Variants in CC2D2A observed in about 807,000 individuals in gnomAD.
The protein encoded by CC2D2A is coiled-coil and C2 domain-containing protein 2A.
Under a neutral mutation model 212.9 loss-of-function variants are expected in CC2D2A, and 155 were observed. The ratio of observed to expected loss-of-function variants is 0.73; its 90% CI spans 0.64 to 0.83. CC2D2A has a LOEUF of 0.83. Among genes scored for constraint, CC2D2A ranks in the 40% least tolerant of loss-of-function variants. The probability of loss-of-function intolerance (pLI) is 0.00; values close to 1 mark genes in which losing one functional copy is unlikely to be tolerated. For missense variants in CC2D2A, 1,856 were observed against 1,956.2 expected (o/e 0.95, Z 0.97); for synonymous variants, 667 against 686.5 (o/e 0.97, Z 0.44).
chr4:15,579,381 A>T (rs1720555735), intron 29 of CC2D2A, among the ~76,000 whole-genome samples: 1 of 152,092 alleles, frequency 6.6e-6, no homozygotes, highest in African/African-American at 2.4e-5. Flanking sequence ...GAGAACCAAG[A>T]TGAGCAACCA....
At chr4:15,548,735 G>A (rs1257044527) in intron 17 of CC2D2A, among the ~76,000 whole-genome samples, 1 of 152,186 alleles carries the variant, frequency 6.6e-6, no homozygotes, top group African/African-American at 2.4e-5. Flanking sequence ...AGCTGTAGAA[G>A]ATTATAGAAT....
At chr4:15,511,170 C>G in intron 7 of CC2D2A, 77 bp from the exon 8 acceptor site, 1 of 1,444,356 alleles carries the variant, frequency 6.9e-7, no homozygotes, top group Non-Finnish European at 9.2e-7. Flanking sequence ...TAGCATTAAG[C>G]CAGCTGTCAG....
Position 15,478,781 on chromosome 4 carries a change from T to C in CC2D2A, c.98T>C (p.Val33Ala), listed in dbSNP as rs1327166509. Residue 33 changes from valine to alanine, a missense_variant, in exon 3 of 37, where the codon GTT becomes GCT. Physicochemically the swap from Val to Ala is moderately conservative, Grantham distance 64. Coordinates refer to ENST00000424120, the MANE Select transcript of CC2D2A (RefSeq NM_001378615.1). ...GGAAGACAGAATAAGAACTCAAAGG[T>C]TCGAAGACAGCCAAGAAAGAAACAG... The part of the protein sequence containing the change: ...DMGRQNKNSK[V>A]RRQPRKKQPP... 6.4e-7 allele frequency: 1 copy of C among 1,554,340 alleles called. No homozygotes were observed. The highest frequency in any genetic ancestry group is 1.4e-5 in the African/African-American group (1 of 73,086).
rs2109015357 is a variant in CC2D2A at position 15,518,173 on chromosome 4, C to A, written c.1149+1417C>A. 2.0e-5 allele frequency among the ~76,000 whole-genome samples: 3 copies of A among 152,320 alleles called. No homozygotes were observed. In the South Asian group the frequency reaches 6.2e-4, roughly 32 times the overall value. On this transcript the variant is annotated intron_variant, in intron 11 of 36. Coordinates refer to ENST00000424120, the MANE Select transcript of CC2D2A (RefSeq NM_001378615.1). ...CAACAACTCCCCCAAAGTTTTAACTCATTTCAGCATCAACTCAAAAGTCCA... is the reference window on the plus strand; with the variant it reads ...CAACAACTCCCCCAAAGTTTTAACTAATTTCAGCATCAACTCAAAAGTCCA...
chr4:15,516,067 C>G, intron 10 of CC2D2A, 63 bp downstream of exon 10: 2 of 1,433,400 alleles, frequency 1.4e-6, no homozygotes, highest in Non-Finnish European at 1.8e-6. Context: ...TTTTATTTTC[C>G]TAACAGGGCA....
intron 33 of CC2D2A, among the ~76,000 whole-genome samples, chr4:15,595,432 C>A (rs1284396477): frequency 1.3e-5 from 2 of 152,166 alleles, no homozygotes; most frequent in Non-Finnish European, 2.9e-5. Context: ...AAATAGCTAA[C>A]AATTATTGAG....
Position 15,553,235 on chromosome 4 carries a change from G to A in CC2D2A, c.2416G>A (p.Ala806Thr). The change falls in exon 19 of 37, where the codon GCA (alanine) becomes ACA (threonine). Residue 806 changes from alanine (A) to threonine (T), a missense_variant. This residue lies in a region of CC2D2A where 1,512 missense variants were observed against 1,579.3 expected (regional missense o/e 0.96). Transcript: ENST00000424120. ...MTSGKVSHSVAWAIGENGIPL... is the reference protein window; with the variant it reads ...MTSGKVSHSVTWAIGENGIPL... Reference sequence around the variant, plus strand: ...CTCAGGGAAAGTGTCTCATAGTGTGGCATGGGCCATTGGAGAAAACGGGAT... The same window carrying A: ...CTCAGGGAAAGTGTCTCATAGTGTGACATGGGCCATTGGAGAAAACGGGAT... 3 of 1,613,062 alleles carry A rather than the reference G, an allele frequency of 1.9e-6. No homozygotes were observed. The highest frequency in any genetic ancestry group is 2.5e-6 in the Non-Finnish European group (3 of 1,179,536).
intron 8 of CC2D2A, 80 bp from the exon 9 acceptor site, chr4:15,514,627 A>T (rs1349917735): frequency 5.1e-5 from 55 of 1,080,248 alleles, no homozygotes; most frequent in Non-Finnish European, 6.8e-5. Context: ...GTTAAGTTTC[A>T]TGAGTTTGGT....
chr4:15,528,598 C>T, intron 12 of CC2D2A, 22 bp from the exon 13 acceptor site: 2 of 1,605,620 alleles, frequency 1.2e-6, no homozygotes, highest in Non-Finnish European at 8.5e-7. Context: ...TAACCCAAAA[C>T]TTGTATCCAT....
rs1372889579 is a variant in CC2D2A, at chr4:15,528,717, C to A, written c.1457C>A (p.Ser486Tyr). ...CAAAAAACCATCAATGAGTATAAATCTGAAATTCGGTGAGTAAAGTTTGTT... is the reference window on the plus strand; with the variant it reads ...CAAAAAACCATCAATGAGTATAAATATGAAATTCGGTGAGTAAAGTTTGTT... The part of the protein sequence containing the change: ...TIQKTINEYK[S>Y]EIRQTRKFRD... Residue 486 changes from serine to tyrosine, a missense_variant, in exon 13 of 37, where the codon TCT becomes TAT. By Grantham distance (144) the Ser-to-Tyr change is moderately radical. This residue lies in a region of CC2D2A where 1,512 missense variants were observed against 1,579.3 expected (regional missense o/e 0.96). Coordinates refer to ENST00000424120, the MANE Select transcript of CC2D2A (RefSeq NM_001378615.1). 6.2e-7 allele frequency: 1 copy of A among 1,602,024 alleles called. No individual in the cohort carries two copies. Among genetic ancestry groups the A allele is most frequent in the Non-Finnish European group, 8.5e-7 (1 of 1,172,164 alleles).
At chr4:15,541,132 C>A in intron 17 of CC2D2A, 118 bp downstream of exon 17, 4 of 714,012 alleles carry the variant, frequency 5.6e-6, no homozygotes, top group Admixed American at 3.3e-5. Context: ...GCCAACATGG[C>A]AAAACCACAT....
At position 15,502,904 on chromosome 4, in the gene CC2D2A, A is replaced by G; in HGVS notation, c.419A>G (p.Glu140Gly). The change falls in exon 6 of 37, where the codon GAG becomes GGG. Residue 140 changes from glutamate (E) to glycine (G), a missense_variant. By Grantham distance (98) the Glu-to-Gly change is moderately conservative. Around this residue, in one of 5 missense-constraint regions of CC2D2A, gnomAD observed 1,512 missense variants for 1,579.3 expected, o/e 0.96. Transcript: ENST00000424120. ...RLRSPSKKEL[E>G]TEFGTEPGKE... Reference sequence around the variant, plus strand: ...CGAAGTCCCAGTAAGAAAGAATTGGAGACTGAATTTGGCACAGAGGTGAGA... The same window carrying G: ...CGAAGTCCCAGTAAGAAAGAATTGGGGACTGAATTTGGCACAGAGGTGAGA... 1.2e-6 allele frequency: 2 copies of G among 1,610,002 alleles called. No homozygotes were observed. Among genetic ancestry groups the G allele is most frequent in the Middle Eastern group, 1.7e-4 (1 of 6,048 alleles).
chr4:15,497,065 T>G (rs1443370156), intron 4 of CC2D2A, among the ~76,000 whole-genome samples: 1 of 152,170 alleles, frequency 6.6e-6, no homozygotes, highest in Non-Finnish European at 1.5e-5. Context: ...AAAACTATTA[T>G]AAAATTCATT....
intron 35 of CC2D2A, among the ~76,000 whole-genome samples, chr4:15,597,773 A>T (rs1315654206): frequency 6.6e-6 from 1 of 152,204 alleles, no homozygotes; most frequent in African/African-American, 2.4e-5. Context: ...ATCTCAGCTT[A>T]AATATACCTC....
chr4:15,563,412 G>A lies in CC2D2A; in HGVS notation c.3072G>A (p.Arg1024=), dbSNP rs886044669. 1 of 1,609,266 alleles carries A rather than the reference G, an allele frequency of 6.2e-7. No individual in the cohort carries two copies. Among genetic ancestry groups the A allele is most frequent in the African/African-American group, 1.3e-5 (1 of 74,848 alleles). Residue 1024 remains arginine, a synonymous_variant, in exon 24 of 37, where the codon AGG becomes AGA. Transcript: ENST00000424120. ...AACAAAAGCGACCACTGCGGCCAAG[G>A]AGAAAAGGTCGGAAGAAGGTGACAG... The part of the protein sequence containing the change: ...LAEQKRPLRP[R]RKGRKKVTAQ...
chr4:15,497,572 G>A (rs961551107), intron 4 of CC2D2A, among the ~76,000 whole-genome samples: 37 of 152,230 alleles, frequency 2.4e-4, no homozygotes, highest in African/African-American at 8.4e-4. Flanking sequence ...AAGATTTAGA[G>A]GAATTACCCA....
rs781182123 is a variant in CC2D2A at position 15,475,905 on chromosome 4, T to C, written c.-18-10T>C. ...TCAAAATGCCTGACTTCTTCATTGT[T>C]CTTTGTCAGGGACCCATCCCAGCCA... On this transcript the variant is annotated splice_polypyrimidine_tract_variant and intron_variant, in intron 1 of 36. Coordinates refer to ENST00000424120, the MANE Select transcript of CC2D2A (RefSeq NM_001378615.1). 5 of 1,571,202 alleles carry C rather than the reference T, an allele frequency of 3.2e-6. No individual in the cohort carries two copies. Among genetic ancestry groups the C allele is most frequent in the Non-Finnish European group, 4.3e-6 (5 of 1,155,986 alleles).
chr4:15,491,050 G>A (rs972732389), intron 4 of CC2D2A, among the ~76,000 whole-genome samples: 4 of 152,144 alleles, frequency 2.6e-5, no homozygotes, highest in African/African-American at 4.8e-5. Flanking sequence ...GCTCCCGGCC[G>A]AATAAAGCCC....
chr4:15,473,083 T>C (rs750509635), intron 1 of CC2D2A: 2 of 152,240 alleles, frequency 1.3e-5, no homozygotes, highest in Non-Finnish European at 2.9e-5. Context: ...AGTCCCAGAA[T>C]GTGGCTATGG....
Sources: allele counts gnomAD v4.1 joint callset (sites outside exome capture counted in the v4.1 genomes callset), GRCh38; gene constraint gnomAD v4.1.1; regional missense constraint gnomAD v4.1.1; transcripts MANE v1.5; gene names NCBI Gene and HGNC (gene_info 2026-07-23, HGNC 2026-07-21).